CACHD1: variants seen among roughly 807,000 people sequenced by gnomAD.
The protein encoded by CACHD1 is cache domain containing 1.
CACHD1 carries 71 observed loss-of-function variants against 138.7 expected under a neutral mutation model. That is an observed-to-expected ratio of 0.51 (90% CI 0.42 to 0.62). CACHD1 has a LOEUF of 0.62. CACHD1 is among the 20% of genes least tolerant of loss of function. The pLI is 0.00. For synonymous variants in CACHD1, 578 were observed against 591.5 expected (o/e 0.98, Z 0.33); for missense variants, 1,389 against 1,625.3 (o/e 0.85, Z 2.50).
intron 1 of CACHD1, among the ~76,000 whole-genome samples, chr1:64,522,868 G>A (rs1646509182): frequency 6.6e-6 from 1 of 152,156 alleles, no homozygotes. Flanking sequence ...TTCTGGTGTG[G>A]TATCCCTTCC....
chr1:64,474,246 G>A (rs1646161639), intron 1 of CACHD1, among the ~76,000 whole-genome samples: 2 of 152,116 alleles, frequency 1.3e-5, no homozygotes, highest in African/African-American at 4.8e-5. Context: ...GAGCCATGGT[G>A]GCATTGAGGT....
chr1:64,618,083 A>G (rs1038089271), intron 4 of CACHD1, among the ~76,000 whole-genome samples: 20 of 151,150 alleles, frequency 1.3e-4, no homozygotes, highest in Non-Finnish European at 2.5e-4. Context: ...TCAGTCTCAA[A>G]AAAAAAAAAA....
rs1557454963 is a variant in CACHD1, at chr1:64,477,605, TA to T, written c.198+6664del. Among the ~76,000 whole-genome samples, 566 of 145,618 alleles carry T rather than the reference TA, an allele frequency of 3.9e-3. 9 individuals carry two copies. The highest frequency in any genetic ancestry group is 0.014 in the African/African-American group (536 of 39,330). Reference sequence around the variant, plus strand: ...CCCAGATTATTATTATTATTATTATTATTATTATTATTATTATTATTTTATT... The same window carrying T: ...CCCAGATTATTATTATTATTATTATTTTATTATTATTATTATTATTTTATT... On this transcript the variant is annotated intron_variant, in intron 1 of 26. Transcript: ENST00000651257.
chr1:64,580,075 T>C (rs1247491250), intron 2 of CACHD1, among the ~76,000 whole-genome samples: 3 of 152,162 alleles, frequency 2.0e-5, no homozygotes, highest in Admixed American at 6.5e-5. Flanking sequence ...GTTAGATTAG[T>C]TGCAAGCTGC....
chr1:64,627,045 A>G (rs923601282), intron 4 of CACHD1, among the ~76,000 whole-genome samples: 7 of 152,126 alleles, frequency 4.6e-5, no homozygotes, highest in African/African-American at 9.7e-5. Context: ...AGACATCAGA[A>G]TAATAGTGGA....
At chr1:64,544,411 A>G (rs925396178) in intron 1 of CACHD1, among the ~76,000 whole-genome samples, 1 of 152,156 alleles carries the variant, frequency 6.6e-6, no homozygotes, top group African/African-American at 2.4e-5. Context: ...TTAAACACAC[A>G]TGTAATTGTC....
intron 13 of CACHD1, among the ~76,000 whole-genome samples, chr1:64,659,308 G>A (rs536102088): frequency 1.3e-5 from 2 of 152,176 alleles, no homozygotes; most frequent in East Asian, 3.9e-4. Flanking sequence ...TAGGTACAGA[G>A]TTTTCAGTAG....
chr1:64,640,369 A>C (rs532589413), intron 7 of CACHD1, among the ~76,000 whole-genome samples: 1 of 152,348 alleles, frequency 6.6e-6, no homozygotes, highest in Admixed American at 6.5e-5. Context: ...ATAAATATGT[A>C]GGATGTCCTA....
chr1:64,634,409 C>CAGAGTCTTG (rs762076547), intron 7 of CACHD1, 149 bp downstream of exon 7: 66 of 308,550 alleles, frequency 2.1e-4, no homozygotes, highest in Non-Finnish European at 3.0e-4. Context: ...TACCTTGAGA[C>CAGAGTCTTG]AGAGTCTTGC....
intron 1 of CACHD1, among the ~76,000 whole-genome samples, chr1:64,531,251 A>G (rs1443351041): frequency 6.6e-6 from 1 of 152,204 alleles, no homozygotes; most frequent in Non-Finnish European, 1.5e-5. Context: ...AGTCCAATTC[A>G]TTGTGTTTGG....
intron 4 of CACHD1, among the ~76,000 whole-genome samples, chr1:64,603,598 T>G (rs1647258111): frequency 6.6e-6 from 1 of 152,218 alleles, no homozygotes; most frequent in South Asian, 2.1e-4. Flanking sequence ...TAATCTGTTT[T>G]GGGATTTTTC....
intron 8 of CACHD1, among the ~76,000 whole-genome samples, chr1:64,646,573 C>CAA (rs111831024): frequency 2.1e-4 from 31 of 146,610 alleles, no homozygotes; most frequent in East Asian, 8.0e-4. Flanking sequence ...ACCAAAAATA[C>CAA]AAAAAAAAAA....
intron 1 of CACHD1, among the ~76,000 whole-genome samples, chr1:64,533,533 T>G (rs991318959): frequency 2.0e-5 from 3 of 152,160 alleles, no homozygotes; most frequent in Non-Finnish European, 4.4e-5. Flanking sequence ...TATTAATAAG[T>G]GAAGAAATGC....
intron 2 of CACHD1, among the ~76,000 whole-genome samples, chr1:64,557,651 C>A (rs1646808582): frequency 1.3e-5 from 2 of 152,190 alleles, no homozygotes; most frequent in South Asian, 4.2e-4. Flanking sequence ...ACAAAAGACC[C>A]TTTTCTTGAC....
At chr1:64,646,096 G>A (rs891806953) in intron 8 of CACHD1, among the ~76,000 whole-genome samples, 4 of 152,020 alleles carry the variant, frequency 2.6e-5, no homozygotes, top group Non-Finnish European at 4.4e-5. Flanking sequence ...TCCATCCCAC[G>A]CTACTCTTCT....
At position 64,519,311 on chromosome 1, in the gene CACHD1, A is replaced by G. The variant is rs368414889; in HGVS notation, c.199-31283A>G. ...TGGCTTGGACCCAGCAGGTTGAGGT[A>G]GTGGAGCCTTTCGATTGAGGCACAG... On this transcript the variant is annotated intron_variant, in intron 1 of 26. Coordinates refer to ENST00000651257, the MANE Select transcript of CACHD1 (RefSeq NM_020925.4). Among the ~76,000 whole-genome samples, 61 of 152,288 alleles carry G rather than the reference A, an allele frequency of 4.0e-4. No homozygotes were observed. In the Middle Eastern group the frequency reaches 0.01, roughly 25 times the overall value.
chr1:64,671,880 TAGAC>T (rs1649828777), intron 17 of CACHD1, among the ~76,000 whole-genome samples, 194 bp downstream of exon 17: 1 of 152,154 alleles, frequency 6.6e-6, no homozygotes, highest in Non-Finnish European at 1.5e-5. Context: ...GTTTATGATT[TAGAC>T]AGACTCAGCA....
At position 64,668,951 on chromosome 1, in the gene CACHD1, A is replaced by G. The variant is rs369649407; in HGVS notation, c.2388-2613A>G. On this transcript the variant is annotated intron_variant, in intron 16 of 26. Coordinates refer to ENST00000651257, the MANE Select transcript of CACHD1 (RefSeq NM_020925.4). ...TTGAGAACTTCATCCCTCCTAACAC[A>G]TGGTTCTACTCCCAAAAAGTAGATT... Among the ~76,000 whole-genome samples the G allele has an allele frequency of 9.2e-5, 14 of 152,220 alleles. 1 individual carries two copies. The highest frequency in any genetic ancestry group is 5.2e-4 in the Admixed American group (8 of 15,296).
At chr1:64,471,151 C>G (rs1024138344) in intron 1 of CACHD1, among the ~76,000 whole-genome samples, 3 of 152,216 alleles carry the variant, frequency 2.0e-5, no homozygotes, top group Non-Finnish European at 2.9e-5. Flanking sequence ...CTGCCCTTCT[C>G]TGGAGAATCC....
Sources: gnomAD v4.1 joint callset for allele counts (sites outside exome capture counted in the v4.1 genomes callset) on GRCh38, gnomAD v4.1.1 for gene constraint, MANE v1.5 for transcripts, NCBI Gene and HGNC (gene_info 2026-07-23, HGNC 2026-07-21) for gene names.